NCALD: variants seen among roughly 807,000 people sequenced by gnomAD.
NCALD encodes the protein neurocalcin-delta.
Under a neutral mutation model 18.6 loss-of-function variants are expected in NCALD, and 10 were observed. The observed-to-expected ratio is 0.54, with a 90% CI of 0.33 to 0.91. The LOEUF is 0.91. Among genes scored for constraint, NCALD ranks in the 40% least tolerant of loss-of-function variants. The pLI, the probability that NCALD is intolerant of heterozygous loss-of-function variation, is 0.03. For synonymous variants in NCALD, 88 were observed against 87.4 expected, an observed-to-expected ratio of 1.01 and a Z score of -0.04; for missense variants, 184 against 247.6, an observed-to-expected ratio of 0.74 and a Z score of 1.72.
chr8:101,747,398 G>A (rs1474135442), intron 1 of NCALD, among the ~76,000 whole-genome samples: 1 of 152,210 alleles, frequency 6.6e-6, no homozygotes, highest in African/African-American at 2.4e-5. Context: ...TTGATGATAT[G>A]GCTAAAATTG....
chr8:101,912,085 G>C (rs1026777808), intron 3 of NCALD, among the ~76,000 whole-genome samples: 38 of 152,044 alleles, frequency 2.5e-4, no homozygotes, highest in African/African-American at 8.7e-4. Context: ...CAGTATTTTT[G>C]TAATTCATAT....
intron 2 of NCALD, among the ~76,000 whole-genome samples, chr8:101,715,567 C>T (rs1388301512): frequency 6.6e-6 from 1 of 152,062 alleles, no homozygotes; most frequent in African/African-American, 2.4e-5. Flanking sequence ...TGCAATCTAT[C>T]CATCTGACAA....
At chr8:102,061,256 G>A (rs1563584063) in intron 1 of NCALD, among the ~76,000 whole-genome samples, 2 of 152,164 alleles carry the variant, frequency 1.3e-5, no homozygotes, top group African/African-American at 2.4e-5. Flanking sequence ...ACGGGTAGGA[G>A]CCCCCCAGGG....
chr8:101,980,774 G>T (rs1047089614), intron 2 of NCALD, among the ~76,000 whole-genome samples: 1 of 152,202 alleles, frequency 6.6e-6, no homozygotes. Context: ...GGTTACCCAT[G>T]AAAGCAGTGA....
At chr8:101,802,476 A>G (rs557767944) in intron 4 of NCALD, among the ~76,000 whole-genome samples, 1 of 152,334 alleles carries the variant, frequency 6.6e-6, no homozygotes, top group East Asian at 1.9e-4. Context: ...AAGCCAAGAC[A>G]GGCTGAAAAC....
In NCALD at chr8:102,002,446, C is replaced by G. The variant is rs575551705; in HGVS notation, c.-157+17791G>C. On this transcript the variant is annotated intron_variant, in intron 2 of 6. Coordinates refer to the NCALD transcript ENST00000311028. ...AATAATGGGAGACTTTAACACCCCA[C>G]TGTCAACATTAGACAGATCAATGAG... is the stretch of plus-strand genomic sequence containing the variant. Among the ~76,000 whole-genome samples, 918 of 152,314 alleles carry G rather than the reference C, an allele frequency of 6.0e-3. 10 individuals carry two copies. Among genetic ancestry groups the G allele is most frequent in the African/African-American group, 0.018 (737 of 41,556 alleles).
At chr8:101,710,111 C>T (rs1586266641) in intron 2 of NCALD, among the ~76,000 whole-genome samples, 1 of 152,278 alleles carries the variant, frequency 6.6e-6, no homozygotes, top group East Asian at 1.9e-4. Flanking sequence ...ACAGTGAGTA[C>T]AGCCCACGGA....
At chr8:101,974,028 T>G (rs1820333977) in intron 2 of NCALD, among the ~76,000 whole-genome samples, 1 of 152,150 alleles carries the variant, frequency 6.6e-6, no homozygotes, top group African/African-American at 2.4e-5. Context: ...TTTCATCAGT[T>G]TATTATCTTC....
chr8:101,756,578 A>G (rs982951539), intron 1 of NCALD, among the ~76,000 whole-genome samples: 2 of 152,338 alleles, frequency 1.3e-5, no homozygotes, highest in Non-Finnish European at 2.9e-5. Context: ...AGCCCTGGAG[A>G]TTTCAGGACA....
At chr8:102,006,264 A>T (rs952639231) in intron 2 of NCALD, among the ~76,000 whole-genome samples, 1 of 152,006 alleles carries the variant, frequency 6.6e-6, no homozygotes, top group Admixed American at 6.6e-5. Context: ...ACAAGTTGAC[A>T]AGCTGTACAG....
intron 4 of NCALD, among the ~76,000 whole-genome samples, chr8:101,804,636 AACT>A (rs1261841629): frequency 1.8e-4 from 25 of 135,644 alleles, no homozygotes; most frequent in African/African-American, 5.0e-4. Flanking sequence ...TAATATAATT[AACT>A]ATTATATATT....
chr8:101,957,050 A>C (rs1819654105), intron 2 of NCALD, among the ~76,000 whole-genome samples: 1 of 152,118 alleles, frequency 6.6e-6, no homozygotes, highest in African/African-American at 2.4e-5. Flanking sequence ...ATAAATTCAG[A>C]CCCTGTCATT....
At chr8:101,761,705 CCTT>C (rs1811116690) in intron 1 of NCALD, among the ~76,000 whole-genome samples, 1 of 152,160 alleles carries the variant, frequency 6.6e-6, no homozygotes, top group African/African-American at 2.4e-5. Flanking sequence ...TTCAATCTCC[CCTT>C]CTTCCTTTTA....
intron 1 of NCALD, among the ~76,000 whole-genome samples, chr8:102,101,626 T>C (rs1054842652): frequency 3.3e-5 from 5 of 152,242 alleles, no homozygotes; most frequent in Non-Finnish European, 7.3e-5. Context: ...GTGTGTGTTT[T>C]GTTTTCCTTT....
intron 2 of NCALD, among the ~76,000 whole-genome samples, chr8:101,945,846 AGG>A (rs1819147888): frequency 2.0e-5 from 3 of 152,238 alleles, no homozygotes; most frequent in Admixed American, 1.3e-4. Context: ...TTGGTAAACG[AGG>A]CTAAATGGTG....
intron 1 of NCALD, among the ~76,000 whole-genome samples, chr8:102,028,621 GCA>G (rs973642973): frequency 5.9e-5 from 9 of 152,178 alleles, no homozygotes; most frequent in African/African-American, 2.2e-4. Flanking sequence ...AATCTGGTTA[GCA>G]TTTCCTGATG....
At chr8:101,775,192 T>C (rs778940918) in intron 1 of NCALD, among the ~76,000 whole-genome samples, 1 of 152,210 alleles carries the variant, frequency 6.6e-6, no homozygotes, top group Non-Finnish European at 1.5e-5. Flanking sequence ...GTACAGATTA[T>C]GACTTCATAA....
intron 2 of NCALD, among the ~76,000 whole-genome samples, chr8:101,964,786 A>T (rs113632581): frequency 2.0e-5 from 3 of 152,348 alleles, no homozygotes; most frequent in African/African-American, 7.2e-5. Context: ...TTTTGAAAGA[A>T]GAATGATATC....
intron 1 of NCALD, among the ~76,000 whole-genome samples, chr8:102,037,814 C>T (rs1822922874): frequency 2.6e-5 from 4 of 152,106 alleles, no homozygotes; most frequent in African/African-American, 9.7e-5. Flanking sequence ...TTTTGGCATA[C>T]CTCCTTTATT....
Sources: allele counts gnomAD v4.1 joint callset (sites outside exome capture counted in the v4.1 genomes callset), GRCh38; gene constraint gnomAD v4.1.1; transcripts MANE v1.5; gene names NCBI Gene and HGNC (gene_info 2026-07-23, HGNC 2026-07-21).